The following UNC13C variants were observed in gnomAD, a reference collection of about 807,000 sequenced individuals.
UNC13C encodes unc-13 homolog C.
UNC13C carries 174 observed loss-of-function variants against 245.4 expected under a neutral mutation model. That is an observed-to-expected ratio of 0.71 (90% CI 0.63 to 0.80). The LOEUF (loss-of-function observed/expected upper bound fraction) is 0.80. Ranked by LOEUF, UNC13C falls within the 30% of genes least tolerant of loss-of-function variation. UNC13C has a pLI of 0.00. For synonymous variants in UNC13C, 992 were observed against 895.1 expected, an observed-to-expected ratio of 1.11 and a Z score of -1.93; for missense variants, 2,829 against 2,602.9, an observed-to-expected ratio of 1.09 and a Z score of -1.89.
intron 13 of UNC13C, among the ~76,000 whole-genome samples, chr15:54,303,348 G>T (rs566115046): frequency 6.6e-6 from 1 of 152,202 alleles, no homozygotes; most frequent in South Asian, 2.1e-4. Flanking sequence ...CCTAAAGAAA[G>T]GTAGGTTACA....
At chr15:54,414,383 A>G (rs898512766) in intron 18 of UNC13C, among the ~76,000 whole-genome samples, 5 of 152,206 alleles carry the variant, frequency 3.3e-5, no homozygotes, top group African/African-American at 1.2e-4. Context: ...ATGGTGGCTC[A>G]TGCCTATAAT....
intron 31 of UNC13C, among the ~76,000 whole-genome samples, chr15:54,622,993 T>G (rs1900890273): frequency 6.6e-6 from 1 of 152,208 alleles, no homozygotes; most frequent in South Asian, 2.1e-4. Context: ...ACATATTGTA[T>G]CTTTACATCA....
chr15:54,460,651 A>G (rs530639552), intron 19 of UNC13C, among the ~76,000 whole-genome samples: 124 of 152,340 alleles, frequency 8.1e-4, no homozygotes, highest in African/African-American at 3.0e-3. Context: ...AGAGCTCCCA[A>G]GAGTTTACGT....
At chr15:53,897,401 G>T in the UNC13C span, among the ~76,000 whole-genome samples, 1 of 152,146 alleles carries the variant, frequency 6.6e-6, no homozygotes, top group African/African-American at 2.4e-5. Context: ...ACTTTTTCGA[G>T]TACATGGATA....
rs1394447321 is a variant in UNC13C, at chr15:54,343,216, C to T, written c.4713+4727C>T. Among the ~76,000 whole-genome samples, 3 of 151,772 alleles carry T rather than the reference C, an allele frequency of 2.0e-5. 1 individual carries two copies. The highest frequency in any genetic ancestry group is 4.4e-5 in the Non-Finnish European group (3 of 68,002). On this transcript the variant is annotated intron_variant, in intron 17 of 32. Coordinates refer to ENST00000260323, the MANE Select transcript of UNC13C (RefSeq NM_001080534.3). The stretch of plus-strand genomic sequence containing the variant: ...TGGCGCAATCTCGGCTCACTGCAAA[C>T]TCCGCCTCTTGGGTTCAAGTGATTC...
intron 4 of UNC13C, among the ~76,000 whole-genome samples, chr15:54,176,715 G>GTAACT (rs985512817): frequency 7.2e-5 from 11 of 152,030 alleles, no homozygotes; most frequent in Non-Finnish European, 1.5e-4. Context: ...ATATCAAATA[G>GTAACT]TAACTTAAAA....
intron 2 of UNC13C, among the ~76,000 whole-genome samples, chr15:54,129,205 T>G (rs1193137412): frequency 1.3e-5 from 2 of 152,216 alleles, no homozygotes; most frequent in East Asian, 3.9e-4. Context: ...TTTACATTGT[T>G]AAAGCACGGT....
At chr15:53,995,172 A>G (rs1894563339) in intron 1 of UNC13C, among the ~76,000 whole-genome samples, 1 of 152,174 alleles carries the variant, frequency 6.6e-6, no homozygotes, top group South Asian at 2.1e-4. Context: ...TCAACAAACA[A>G]ATAGGAATTA....
chr15:54,083,462 C>A (rs1046489559), intron 2 of UNC13C, among the ~76,000 whole-genome samples: 1 of 152,170 alleles, frequency 6.6e-6, no homozygotes, highest in Non-Finnish European at 1.5e-5. Context: ...CAAGTCCAAG[C>A]AGCACAGGCT....
At chr15:54,315,436 G>A (rs1006520462) in intron 13 of UNC13C, among the ~76,000 whole-genome samples, 3 of 150,886 alleles carry the variant, frequency 2.0e-5, no homozygotes, top group African/African-American at 7.3e-5. Context: ...CCTGATTCCA[G>A]TTTCCTGGGT....
chr15:54,455,540 T>A (rs941792301), intron 19 of UNC13C, among the ~76,000 whole-genome samples: 72 of 146,336 alleles, frequency 4.9e-4, no homozygotes, highest in African/African-American at 1.4e-3. Context: ...TTTTTTTTTT[T>A]AATTATGGCC....
intron 4 of UNC13C, among the ~76,000 whole-genome samples, chr15:54,151,445 GA>G (rs1462379529): frequency 1.3e-5 from 2 of 151,938 alleles, no homozygotes; most frequent in Non-Finnish European, 2.9e-5. Flanking sequence ...CACTCTCACT[GA>G]AGCAGGAGTG....
intron 2 of UNC13C, among the ~76,000 whole-genome samples, chr15:54,080,006 G>GTTTTTTTTTTTTTTTTTTTTTTTTTTT (rs3985784): frequency 7.7e-6 from 1 of 129,902 alleles, no homozygotes; most frequent in Non-Finnish European, 1.7e-5. Flanking sequence ...TTGTCGAGCG[G>GTTTTTTTTTTTTTTTTTTTTTTTTTTT]TTTTTTTTTT....
intron 2 of UNC13C, among the ~76,000 whole-genome samples, chr15:54,058,415 G>A (rs1897643817): frequency 1.3e-5 from 2 of 152,154 alleles, no homozygotes; most frequent in African/African-American, 4.8e-5. Flanking sequence ...AAACCAGGAA[G>A]AAATTGAATT....
intron 2 of UNC13C, among the ~76,000 whole-genome samples, chr15:54,113,160 G>T (rs774221506): frequency 5.3e-5 from 8 of 152,078 alleles, no homozygotes; most frequent in Admixed American, 1.3e-4. Flanking sequence ...CTCGTTGGGA[G>T]AAGAGATTAT....
At chr15:54,453,198 T>C (rs941954434) in intron 19 of UNC13C, among the ~76,000 whole-genome samples, 3 of 152,198 alleles carry the variant, frequency 2.0e-5, no homozygotes, top group African/African-American at 4.8e-5. Context: ...CTTGGTAGGA[T>C]TGGAGGGGTC....
intron 1 of UNC13C, among the ~76,000 whole-genome samples, chr15:53,979,448 C>G (rs186841864): frequency 7.8e-6 from 1 of 127,794 alleles, no homozygotes; most frequent in Non-Finnish European, 1.8e-5. Flanking sequence ...AGAAGAAGAT[C>G]CTGCAGATTT....
At chr15:54,173,585 C>T (rs752403792) in intron 4 of UNC13C, among the ~76,000 whole-genome samples, 7 of 151,894 alleles carry the variant, frequency 4.6e-5, no homozygotes, top group Admixed American at 2.0e-4. Flanking sequence ...GCAACTTTGC[C>T]AGATCACTAA....
At chr15:54,182,701 A>G (rs1286964569) in intron 4 of UNC13C, among the ~76,000 whole-genome samples, 1 of 151,910 alleles carries the variant, frequency 6.6e-6, no homozygotes, top group Non-Finnish European at 1.5e-5. Context: ...CCTCTAAAAA[A>G]CCCTGAAATA....
Sources: gnomAD v4.1 joint callset for allele counts (sites outside exome capture counted in the v4.1 genomes callset) on GRCh38, gnomAD v4.1.1 for gene constraint, MANE v1.5 for transcripts, NCBI Gene and HGNC (gene_info 2026-07-23, HGNC 2026-07-21) for gene names.